Variants in CATSPERD observed in about 807,000 individuals in gnomAD.
CATSPERD encodes the protein catsper channel auxiliary subunit delta, also known as cation channel sperm-associated auxiliary subunit delta.
A neutral mutation model predicts 98.1 loss-of-function variants in CATSPERD; 86 were observed. The observed-to-expected ratio is 0.88, with a 90% CI of 0.74 to 1.05. The LOEUF is 1.05. Ranked by LOEUF, CATSPERD falls within the 50% of genes least tolerant of loss-of-function variation. The pLI, the probability that CATSPERD is intolerant of heterozygous loss-of-function variation, is 0.00. For missense variants in CATSPERD, 995 were observed against 1,005.7 expected, an observed-to-expected ratio of 0.99 and a Z score of 0.14; for synonymous variants, 394 against 390.2, an observed-to-expected ratio of 1.01 and a Z score of -0.12.
Position 5,729,877 on chromosome 19 carries a change from A to G in CATSPERD, c.209A>G (p.Gln70Arg). 6.3e-7 allele frequency: 1 copy of G among 1,576,084 alleles called. No individual in the cohort carries two copies. The highest frequency in any genetic ancestry group is 8.7e-7 in the Non-Finnish European group (1 of 1,151,638). ...TTATTTATTGTTTATTTCAGGAAAC[A>G]AGTTTTTTTCACAATGGATAACTTT... Reference protein sequence around the residue: ...EKNIALYLGKQVFFTMDNFET... With the variant: ...EKNIALYLGKRVFFTMDNFET... The change falls in exon 4 of 22, where the codon CAA becomes CGA. Residue 70 changes from glutamine (Q) to arginine (R), a missense_variant. This residue lies in a region of CATSPERD where 228 missense variants were observed against 209.6 expected (regional missense o/e 1.09). Transcript: ENST00000381624.
At chr19:5,723,848 C>T (rs2055550993) in intron 1 of CATSPERD, among the ~76,000 whole-genome samples, 1 of 151,582 alleles carries the variant, frequency 6.6e-6, no homozygotes, top group African/African-American at 2.4e-5. Context: ...GCAATCTCAG[C>T]TCACCATAAC....
At position 5,744,470 on chromosome 19, in the gene CATSPERD, CTT is replaced by C; in HGVS notation, c.619_620del (p.Leu207ValfsTer31). 1.2e-6 allele frequency: 2 copies of C among 1,612,634 alleles called. No individual in the cohort carries two copies. Among genetic ancestry groups the C allele is most frequent in the Non-Finnish European group, 1.7e-6 (2 of 1,179,082 alleles). ...TTAGGCGGAATCTTCCACTTTTTTT[CTT>C]TGTCACAGGTTGCGATGCTTGTAGT... On this transcript the variant is annotated frameshift_variant, in exon 8 of 22. Transcript: ENST00000381624. LOFTEE classifies it high-confidence loss of function.
At position 5,763,260 on chromosome 19, in the gene CATSPERD, C is replaced by T. The variant is rs771058134; in HGVS notation, c.1473C>T (p.Asn491=). Residue 491 remains asparagine, a synonymous_variant, in exon 16 of 22, where the codon AAC becomes AAT. Coordinates refer to ENST00000381624, the MANE Select transcript of CATSPERD (RefSeq NM_152784.4). ...CTACCTTAACTGTGGACATAGCAAA[C>T]AAGGAAATTTCATGTGTGGATATCA... ...TMSTLTVDIA[N]KEISCVDIKP... 14 of 1,613,944 alleles carry T rather than the reference C, an allele frequency of 8.7e-6. 1 individual carries two copies. The South Asian group carries it at 1.5e-4, about 18-fold the overall frequency.
intron 15 of CATSPERD, among the ~76,000 whole-genome samples, chr19:5,762,408 A>G (rs1448377431): frequency 6.6e-6 from 1 of 152,056 alleles, no homozygotes; most frequent in Non-Finnish European, 1.5e-5. Context: ...TTCACTCACT[A>G]TCACAAGAAC....
Position 5,770,980 on chromosome 19 carries a change from C to T in CATSPERD, c.1671C>T (p.Ser557=). The change falls in exon 19 of 22, where the codon TCC becomes TCT. Residue 557 remains serine (S), a synonymous_variant. Transcript: ENST00000381624. ...FYDPGFQGQQ[S]SEDLHVFYSY... is the part of the protein sequence containing the mutation. ...ACCCCGGCTTCCAGGGGCAGCAGTC[C>T]TCCGAGGACCTGCACGTGTTTTACT... 1 of 1,613,602 alleles carries T rather than the reference C, an allele frequency of 6.2e-7. No individual in the cohort carries two copies. Among genetic ancestry groups the T allele is most frequent in the Non-Finnish European group, 8.5e-7 (1 of 1,179,772 alleles).
chr19:5,751,531 C>CAAAAAAAAAAAAAAAAAAAA (rs57266365), intron 11 of CATSPERD, 116 bp from the exon 12 acceptor site: 2 of 155,712 alleles, frequency 1.3e-5, no homozygotes, highest in African/African-American at 1.2e-4. Context: ...GAGACTCCAT[C>CAAAAAAAAAAAAAAAAAAAA]AAAAAAAAAA....
chr19:5,722,670 C>A (rs1235696711), intron 1 of CATSPERD, among the ~76,000 whole-genome samples: 1 of 151,970 alleles, frequency 6.6e-6, no homozygotes, highest in Non-Finnish European at 1.5e-5. Flanking sequence ...AAATGCAGTT[C>A]CCTGGACCTA....
At chr19:5,767,857 T>G (rs3097894) in intron 17 of CATSPERD, among the ~76,000 whole-genome samples, 4 of 151,692 alleles carry the variant, frequency 2.6e-5, no homozygotes, top group African/African-American at 4.8e-5. Flanking sequence ...AGTGCAATGG[T>G]GCAATCTCAG....
At position 5,744,502 on chromosome 19, in the gene CATSPERD, C is replaced by T; in HGVS notation, c.649C>T (p.Gln217Ter). 1.2e-6 allele frequency: 2 copies of T among 1,611,558 alleles called. No homozygotes were observed. The highest frequency in any genetic ancestry group is 1.7e-6 in the Non-Finnish European group (2 of 1,178,384). Residue 217 changes from glutamine to a stop codon, truncating the protein, a stop_gained, in exon 8 of 22, where the codon CAA becomes TAA. Transcript: ENST00000381624. LOFTEE classifies it high-confidence loss of function. ...LSQVAMLVVN[Q>*]GKGMFKYSDH... ...ACAGGTTGCGATGCTTGTAGTGAATCAAGGGAAGGTAAGTAACTGCAGAGG... is the reference window on the plus strand; with the variant it reads ...ACAGGTTGCGATGCTTGTAGTGAATTAAGGGAAGGTAAGTAACTGCAGAGG...
intron 10 of CATSPERD, 128 bp downstream of exon 10, chr19:5,748,383 C>A: frequency 1.2e-6 from 1 of 833,732 alleles, no homozygotes; most frequent in South Asian, 1.4e-5. Flanking sequence ...GTAATTCCAG[C>A]ACTTTGGGAG....
At chr19:5,754,883 C>T (rs538079318) in intron 13 of CATSPERD, among the ~76,000 whole-genome samples, 5 of 146,778 alleles carry the variant, frequency 3.4e-5, no homozygotes, top group South Asian at 2.1e-4. Flanking sequence ...TTTGCTCTGT[C>T]GCCCAGGCTG....
chr19:5,750,182 C>T (rs568491307), intron 11 of CATSPERD, among the ~76,000 whole-genome samples: 5 of 150,268 alleles, frequency 3.3e-5, no homozygotes, highest in Admixed American at 2.0e-4. Context: ...GGCGTGGTGG[C>T]TCACGCCTGT....
chr19:5,721,832 T>A lies in CATSPERD; in HGVS notation c.71+1024T>A, dbSNP rs185882630. Among the ~76,000 whole-genome samples the A allele has an allele frequency of 5.1e-3, 776 of 151,800 alleles. 4 individuals are homozygous for A. Among genetic ancestry groups the A allele is most frequent in the African/African-American group, 0.018 (737 of 41,410 alleles). On this transcript the variant is annotated intron_variant, in intron 1 of 21. Coordinates refer to ENST00000381624, the MANE Select transcript of CATSPERD (RefSeq NM_152784.4). ...GATGAAACCTCGTCTCTACTAAAAA[T>A]ACAAAAATTAGCCAGGCTTGGTGGC...
intron 15 of CATSPERD, among the ~76,000 whole-genome samples, chr19:5,760,811 A>T (rs1202455017): frequency 1.3e-5 from 2 of 151,586 alleles, no homozygotes; most frequent in African/African-American, 4.8e-5. Context: ...AACTCAGGAG[A>T]CTGAGGCAGG....
intron 13 of CATSPERD, 55 bp downstream of exon 13, chr19:5,754,300 C>T (rs1022764582): frequency 7.9e-7 from 1 of 1,258,826 alleles, no homozygotes; most frequent in African/African-American, 1.5e-5. Flanking sequence ...ATGCCTGGTG[C>T]CCACTCCCAG....
At chr19:5,765,401 GATTTATTCATTCATTCATTC>G (rs1197012107) in intron 16 of CATSPERD, among the ~76,000 whole-genome samples, 9 of 139,406 alleles carry the variant, frequency 6.5e-5, no homozygotes, top group African/African-American at 2.8e-4. Context: ...CTAGGCCATT[GATTTATTCATTCATTCATTC>G]ATTCATTCAT....
At position 5,762,059 on chromosome 19, in the gene CATSPERD, T is replaced by TATATATATATATA. The variant is rs1491269022; in HGVS notation, c.1428-1156_1428-1155insATATATATATATA. 9.3e-3 allele frequency among the ~76,000 whole-genome samples: 171 copies of TATATATATATATA among 18,472 alleles called. 1 individual carries two copies. The highest frequency in any genetic ancestry group is 0.015 in the Non-Finnish European group (130 of 8,956). 12.1% of individuals were successfully genotyped at this position (18,472 alleles called of 152,430 possible). ...GGCCTGCCATATATATATATATATA[T>TATATATATATATA]TTTTTTTTTTTTTTTTTTTTTTGAG... is the stretch of plus-strand genomic sequence containing the variant. On this transcript the variant is annotated intron_variant, in intron 15 of 21. Transcript: ENST00000381624.
intron 13 of CATSPERD, among the ~76,000 whole-genome samples, chr19:5,757,158 G>C (rs537571654): frequency 2.6e-5 from 4 of 151,850 alleles, no homozygotes; most frequent in South Asian, 2.1e-4. Flanking sequence ...GCTGAAGTAA[G>C]AGAATCACTG....
At chr19:5,726,562 T>G (rs1250577105) in intron 2 of CATSPERD, among the ~76,000 whole-genome samples, 1 of 151,642 alleles carries the variant, frequency 6.6e-6, no homozygotes, top group South Asian at 2.1e-4. Context: ...TTATGTTTTT[T>G]GTAGAGATGT....
Sources: gnomAD v4.1 joint callset for allele counts (sites outside exome capture counted in the v4.1 genomes callset) on GRCh38, gnomAD v4.1.1 for gene constraint, gnomAD v4.1.1 regional missense constraint, MANE v1.5 for transcripts, NCBI Gene and HGNC (gene_info 2026-07-23, HGNC 2026-07-21) for gene names.